Variants in ABCD3 observed in about 807,000 individuals in gnomAD.
The protein encoded by ABCD3 is ATP binding cassette subfamily D member 3, also known as ATP-binding cassette sub-family D member 3.
Under a neutral mutation model 105.5 loss-of-function variants are expected in ABCD3, and 41 were observed. The observed-to-expected ratio is 0.39, with a 90% CI of 0.30 to 0.50. The LOEUF is 0.50. ABCD3 is among the 20% of genes least tolerant of loss of function. The probability of loss-of-function intolerance (pLI) is 0.84; values close to 1 mark genes in which losing one functional copy is unlikely to be tolerated. For synonymous variants in ABCD3, 258 were observed against 269.0 expected (o/e 0.96, Z 0.40); for missense variants, 622 against 806.3 (o/e 0.77, Z 2.77).
intron 3 of ABCD3, 141 bp from the exon 4 acceptor site, chr1:94,467,774 ATTAC>A: frequency 1.5e-6 from 1 of 645,242 alleles, no homozygotes; most frequent in Non-Finnish European, 2.8e-6. Flanking sequence ...TATATTTAAA[ATTAC>A]TTATAGAAAA....
At chr1:94,443,139 C>T (rs989864453) in intron 1 of ABCD3, among the ~76,000 whole-genome samples, 5 of 152,070 alleles carry the variant, frequency 3.3e-5, no homozygotes, top group African/African-American at 4.8e-5. Context: ...TGTTTTTTGA[C>T]TTTTTAATAA....
At chr1:94,469,447 G>A (rs971388623) in intron 4 of ABCD3, among the ~76,000 whole-genome samples, 5 of 143,890 alleles carry the variant, frequency 3.5e-5, no homozygotes, top group African/African-American at 1.3e-4. Flanking sequence ...ACAACTTTTT[G>A]TTTTTCCTGG....
intron 13 of ABCD3, among the ~76,000 whole-genome samples, chr1:94,489,370 G>C (rs1649420844): frequency 6.6e-6 from 1 of 152,044 alleles, no homozygotes; most frequent in African/African-American, 2.4e-5. Flanking sequence ...ACTTCAGCAA[G>C]AGATCAGAGT....
At chr1:94,457,639 T>C (rs371673600) in intron 1 of ABCD3, among the ~76,000 whole-genome samples, 37 of 152,228 alleles carry the variant, frequency 2.4e-4, no homozygotes, top group African/African-American at 8.9e-4. Context: ...ACAGACTTCC[T>C]GGGGCAGCAT....
At chr1:94,465,020 C>A (rs150557935) in intron 3 of ABCD3, 147 bp downstream of exon 3, 5 of 724,792 alleles carry the variant, frequency 6.9e-6, no homozygotes, top group South Asian at 5.1e-5. Context: ...CCTCCACTTC[C>A]GGGGAGGCCT....
At chr1:94,461,305 G>A (rs767123056) in intron 2 of ABCD3, among the ~76,000 whole-genome samples, 2 of 152,012 alleles carry the variant, frequency 1.3e-5, no homozygotes, top group African/African-American at 4.8e-5. Flanking sequence ...ATAGGGTGGG[G>A]AGAGGCAATT....
At chr1:94,475,796 G>C (rs1648710067) in intron 7 of ABCD3, 59 bp downstream of exon 7, 2 of 1,400,224 alleles carry the variant, frequency 1.4e-6, no homozygotes, top group African/African-American at 2.9e-5. Context: ...TTGAATCTAA[G>C]CAAATTTATA....
chr1:94,514,815 C>T, intron 21 of ABCD3: 1 of 279,182 alleles, frequency 3.6e-6, no homozygotes. Context: ...TTTAATTTTT[C>T]CTGATTTTGA....
intron 2 of ABCD3, among the ~76,000 whole-genome samples, chr1:94,461,658 C>G (rs1463787919): frequency 6.6e-6 from 1 of 151,898 alleles, no homozygotes; most frequent in African/African-American, 2.4e-5. Flanking sequence ...GAGCTGCTTT[C>G]TTTTTTACAG....
chr1:94,390,136 T>G, the ABCD3 span, among the ~76,000 whole-genome samples: 1 of 152,198 alleles, frequency 6.6e-6, no homozygotes, highest in Non-Finnish European at 1.5e-5. Context: ...TGTTCTCTTC[T>G]AGAAGACACC....
intron 1 of ABCD3, among the ~76,000 whole-genome samples, chr1:94,423,358 T>A (rs1659335785): frequency 6.6e-6 from 1 of 152,228 alleles, no homozygotes; most frequent in Non-Finnish European, 1.5e-5. Context: ...CACCTGCTTA[T>A]GGGGTGAGTT....
intron 22 of ABCD3, among the ~76,000 whole-genome samples, chr1:94,516,427 T>C (rs190473041): frequency 5.3e-4 from 80 of 152,084 alleles, no homozygotes; most frequent in African/African-American, 1.6e-3. Flanking sequence ...ATTTAAAATA[T>C]AGCCAAGCCT....
chr1:94,430,233 C>A (rs1315402863), intron 1 of ABCD3, among the ~76,000 whole-genome samples: 2 of 151,996 alleles, frequency 1.3e-5, no homozygotes, highest in East Asian at 1.9e-4. Context: ...AACTAACTTG[C>A]TTTTGATTTT....
chr1:94,473,005 A>T (rs1194303302), intron 4 of ABCD3, among the ~76,000 whole-genome samples: 1 of 152,176 alleles, frequency 6.6e-6, no homozygotes, highest in Non-Finnish European at 1.5e-5. Context: ...AAAATTTTTA[A>T]TGTATATTTT....
intron 15 of ABCD3, 73 bp from the exon 16 acceptor site, chr1:94,491,111 A>G (rs1649514738): frequency 9.5e-7 from 1 of 1,052,542 alleles, no homozygotes; most frequent in Non-Finnish European, 1.4e-6. Context: ...GGTTATTTGT[A>G]TTTTTGGTAT....
At chr1:94,483,271 A>G (rs1208404125) in intron 10 of ABCD3, 32 bp downstream of exon 10, 1 of 1,559,522 alleles carries the variant, frequency 6.4e-7, no homozygotes, top group Non-Finnish European at 8.8e-7. Context: ...TCATGTGTTT[A>G]TGGAAAGGGT....
chr1:94,400,353 G>A, the ABCD3 span, among the ~76,000 whole-genome samples: 2 of 151,104 alleles, frequency 1.3e-5, no homozygotes, highest in East Asian at 1.9e-4. Context: ...GCAATGAGCC[G>A]AGATCGCGCC....
At chr1:94,456,226 G>A (rs996472803) in intron 1 of ABCD3, among the ~76,000 whole-genome samples, 5 of 139,684 alleles carry the variant, frequency 3.6e-5, no homozygotes, top group African/African-American at 1.3e-4. Context: ...AATGTCCCCC[G>A]GTTCATCCAT....
At chr1:94,397,180 A>G in the ABCD3 span, among the ~76,000 whole-genome samples, 2 of 152,366 alleles carry the variant, frequency 1.3e-5, no homozygotes, top group African/African-American at 4.8e-5. Flanking sequence ...GAATCCTTGT[A>G]TACCTTTCAT....
Sources: allele counts gnomAD v4.1 joint callset (sites outside exome capture counted in the v4.1 genomes callset), GRCh38; gene constraint gnomAD v4.1.1; transcripts MANE v1.5; gene names NCBI Gene and HGNC (gene_info 2026-07-23, HGNC 2026-07-21).